Variants in NAT10 observed in about 807,000 individuals in gnomAD.
The protein encoded by NAT10 is N-acetyltransferase 10.
A neutral mutation model predicts 132.2 loss-of-function variants in NAT10; 109 were observed. The observed-to-expected ratio is 0.82, with a 90% CI of 0.71 to 0.97. The LOEUF (loss-of-function observed/expected upper bound fraction) is 0.97. NAT10 is among the 50% of genes least tolerant of loss of function. NAT10 has a pLI of 0.00. For synonymous variants in NAT10, 479 were observed against 478.0 expected (o/e 1.00, Z -0.03); for missense variants, 1,184 against 1,263.4 (o/e 0.94, Z 0.95).
At chr11:34,128,768 G>A (rs920976701) in intron 12 of NAT10, among the ~76,000 whole-genome samples, 8 of 152,096 alleles carry the variant, frequency 5.3e-5, no homozygotes, top group African/African-American at 9.7e-5. Context: ...TTGTGCAACC[G>A]TGCTCACCAC....
At chr11:34,113,867 G>A in intron 5 of NAT10, 29 bp downstream of exon 5, 6 of 1,609,510 alleles carry the variant, frequency 3.7e-6, no homozygotes, top group Non-Finnish European at 5.1e-6. Flanking sequence ...ACTTAATTGT[G>A]AGGGTTCAAG....
chr11:34,116,623 C>G (rs1851788289), intron 6 of NAT10, among the ~76,000 whole-genome samples: 1 of 151,978 alleles, frequency 6.6e-6, no homozygotes, highest in Non-Finnish European at 1.5e-5. Context: ...GAGACAGAGT[C>G]TCGCTCTGTT....
At chr11:34,124,466 A>G (rs993938625) in intron 11 of NAT10, 66 bp downstream of exon 11, 1 of 1,193,334 alleles carries the variant, frequency 8.4e-7, no homozygotes, top group African/African-American at 1.5e-5. Flanking sequence ...TGGCTCTAAG[A>G]TGTTTCCTGT....
chr11:34,139,199 G>T lies in NAT10; in HGVS notation c.2220G>T (p.Leu740=). The change falls in exon 22 of 29, where the codon CTG becomes CTT. Residue 740 remains leucine, a synonymous_variant. Transcript: ENST00000257829. ...PVYLRQTPND[L]TGEHSCIMLK... is the part of the protein sequence containing the mutation. ...ACCTCTGTGTTGCCCAGAATGACCT[G>T]ACCGGAGAGCACTCGTGCATCATGC... is the stretch of plus-strand genomic sequence containing the variant. 6.2e-7 allele frequency: 1 copy of T among 1,613,936 alleles called. No homozygotes were observed. The highest frequency in any genetic ancestry group is 1.1e-5 in the South Asian group (1 of 91,064).
In NAT10 at chr11:34,140,457, A is replaced by C; in HGVS notation, c.2477A>C (p.Glu826Ala). 6.2e-7 allele frequency: 1 copy of C among 1,614,172 alleles called. No individual in the cohort carries two copies. Among genetic ancestry groups the C allele is most frequent in the South Asian group, 1.1e-5 (1 of 91,084 alleles). Residue 826 changes from glutamate (E) to alanine (A), a missense_variant, in exon 24 of 29, where the codon GAG (glutamate) becomes GCG (alanine). Glu to Ala is a moderately radical substitution (Grantham distance 107, BLOSUM62 -1). Transcript: ENST00000257829. The stretch of plus-strand genomic sequence containing the variant: ...CTCCCCTATGACCTGAAGCGGCTGG[A>C]GATGTATTCACGGAATATGGTGGAC... ...LFLPYDLKRL[E>A]MYSRNMVDYH...
intron 3 of NAT10, among the ~76,000 whole-genome samples, chr11:34,110,559 C>CTTTTTTT (rs948109196): frequency 4.8e-4 from 49 of 101,714 alleles, no homozygotes; most frequent in African/African-American, 9.0e-4. Context: ...TTTTCTTTCC[C>CTTTTTTT]TTTTTTTTTT....
intron 3 of NAT10, among the ~76,000 whole-genome samples, chr11:34,111,614 C>G (rs952048502): frequency 6.6e-6 from 1 of 152,124 alleles, no homozygotes; most frequent in South Asian, 2.1e-4. Context: ...GGAGGAAGTC[C>G]TCTAGGAAGG....
At chr11:34,108,134 GC>G (rs764709474) in intron 1 of NAT10, 76 bp from the exon 2 acceptor site, 50 of 926,016 alleles carry the variant, frequency 5.4e-5, no homozygotes, top group Non-Finnish European at 7.7e-5. Context: ...ACAGTCCCAG[GC>G]CCCACAAAAG....
At chr11:34,137,085 C>T (rs1852231475) in intron 21 of NAT10, 59 bp downstream of exon 21, 3 of 1,588,348 alleles carry the variant, frequency 1.9e-6, no homozygotes, top group African/African-American at 2.7e-5. Flanking sequence ...AGGTGACAGG[C>T]CTGTCCTTGC....
Position 34,132,111 on chromosome 11 carries a change from A to G in NAT10, c.1521-14A>G. On this transcript the variant is annotated splice_polypyrimidine_tract_variant and intron_variant, in intron 14 of 28. Coordinates refer to ENST00000257829, the MANE Select transcript of NAT10 (RefSeq NM_024662.3). Reference sequence around the variant, plus strand: ...GCTATTTGTTTTGTTTTGGTTTCTTAACTCCAGACCCAGGTACTATGTTAA... The same window carrying G: ...GCTATTTGTTTTGTTTTGGTTTCTTGACTCCAGACCCAGGTACTATGTTAA... 6.2e-7 allele frequency: 1 copy of G among 1,601,868 alleles called. No individual in the cohort carries two copies. Among genetic ancestry groups the G allele is most frequent in the Middle Eastern group, 1.7e-4 (1 of 6,040 alleles).
At chr11:34,123,961 G>T in intron 10 of NAT10, 106 bp downstream of exon 10, 1 of 832,998 alleles carries the variant, frequency 1.2e-6, no homozygotes. Context: ...CCTGAGGTCG[G>T]GAGTTGGAGA....
intron 11 of NAT10, among the ~76,000 whole-genome samples, chr11:34,125,376 G>A (rs538442339): frequency 1.1e-4 from 16 of 152,148 alleles, no homozygotes; most frequent in Admixed American, 2.0e-4. Context: ...ACCCTGCCTC[G>A]GGCCTTGCTC....
At chr11:34,132,919 C>G in intron 15 of NAT10, 107 bp from the exon 16 acceptor site, 1 of 861,048 alleles carries the variant, frequency 1.2e-6, no homozygotes. Context: ...CCTCACTTGG[C>G]TTTGGAGAAG....
At chr11:34,135,461 T>C (rs972714353) in intron 19 of NAT10, among the ~76,000 whole-genome samples, 170 bp downstream of exon 19, 4 of 152,184 alleles carry the variant, frequency 2.6e-5, no homozygotes, top group African/African-American at 9.6e-5. Flanking sequence ...ATCATTGGGA[T>C]CATCTGGCAG....
intron 24 of NAT10, among the ~76,000 whole-genome samples, 172 bp from the exon 25 acceptor site, chr11:34,140,917 G>A (rs1852315348): frequency 6.6e-6 from 1 of 152,096 alleles, no homozygotes. Context: ...TAGGAAGACA[G>A]CATTTCTTGG....
chr11:34,136,624 T>C lies in NAT10; in HGVS notation c.2029-18T>C. On this transcript the variant is annotated intron_variant, in intron 19 of 28. Transcript: ENST00000257829. ...CCTCTGCTGAATGGACTGTGTTCTC[T>C]CCTTGGCATCTTCCCAGGCTGTCAG... 2 of 1,614,158 alleles carry C rather than the reference T, an allele frequency of 1.2e-6. No individual in the cohort carries two copies. The highest frequency in any genetic ancestry group is 8.5e-7 in the Non-Finnish European group (1 of 1,180,028).
chr11:34,126,329 A>G (rs1389772252), intron 11 of NAT10, among the ~76,000 whole-genome samples: 1 of 152,226 alleles, frequency 6.6e-6, no homozygotes, highest in South Asian at 2.1e-4. Flanking sequence ...ATGTGTTTCT[A>G]TGTTTACTAC....
intron 14 of NAT10, 77 bp downstream of exon 14, chr11:34,131,608 G>T: frequency 2.8e-6 from 4 of 1,408,510 alleles, no homozygotes; most frequent in Admixed American, 4.6e-5. Context: ...TGAGTCCTTT[G>T]TTTCATAGGA....
At chr11:34,107,193 TATTTTTAGTAGAG>T (rs1851611425) in intron 1 of NAT10, 2 of 152,282 alleles carry the variant, frequency 1.3e-5, no homozygotes, top group Admixed American at 1.3e-4. Flanking sequence ...CTAAGTTTTG[TATTTTTAGTAGAG>T]ACGGGGTTTC....
Sources: gnomAD v4.1 joint callset for allele counts (sites outside exome capture counted in the v4.1 genomes callset) on GRCh38, gnomAD v4.1.1 for gene constraint, MANE v1.5 for transcripts, NCBI Gene and HGNC (gene_info 2026-07-23, HGNC 2026-07-21) for gene names.